The following THTPA variants were observed in gnomAD, a reference collection of about 807,000 sequenced individuals.
THTPA encodes thiamine triphosphatase, also known as thiamine-triphosphatase.
A neutral mutation model predicts 16.5 loss-of-function variants in THTPA; 16 were observed. The ratio of observed to expected loss-of-function variants is 0.97; its 90% confidence interval spans 0.66 to 1.47. THTPA has a LOEUF of 1.47. THTPA is among the 40% of genes most tolerant of loss of function. The probability of loss-of-function intolerance (pLI) is 0.00; values close to 1 mark genes in which losing one functional copy is unlikely to be tolerated. For missense variants in THTPA, 281 were observed against 280.9 expected (o/e 1.00, Z 0.00); for synonymous variants, 110 against 115.5 (o/e 0.95, Z 0.30).
At position 23,557,270 on chromosome 14, in the gene THTPA, C is replaced by G; in HGVS notation, c.513C>G (p.Ala171=). ...ATGAGGAGGCTGAAGTACCAACTGC[C>G]CTAGAGAAGATCCACAGGCTCAGCA... ...LVHEEAEVPT[A]LEKIHRLSSM... Residue 171 remains alanine, a synonymous_variant, in exon 1 of 2, where the codon GCC becomes GCG. Transcript: ENST00000288014. 6.2e-7 allele frequency: 1 copy of G among 1,608,250 alleles called. No individual in the cohort carries two copies.
chr14:23,557,405 A>AT (rs926112525), intron 1 of THTPA, 101 bp downstream of exon 1: 1,770 of 1,204,464 alleles, frequency 1.5e-3, no homozygotes, highest in Non-Finnish European at 1.6e-3. Context: ...CGGATTAAAA[A>AT]TTTTTTTTTT....
the THTPA span, among the ~76,000 whole-genome samples, chr14:23,547,102 G>A: frequency 1.3e-5 from 2 of 152,210 alleles, no homozygotes; most frequent in African/African-American, 4.8e-5. Context: ...GAGTTGTGGT[G>A]AGTTTTACAT....
At position 23,560,084 on chromosome 14, in the gene THTPA, C is replaced by G; in HGVS notation, c.*1244C>G. On this transcript the variant is annotated 3_prime_UTR_variant, in exon 2 of 2. Transcript: ENST00000288014. Reference sequence around the variant, plus strand: ...GCACAGTATGGCAGTAGGTAGGGCTCAGGCAGCCCCTCTATACTCAGTGGC... The same window carrying G: ...GCACAGTATGGCAGTAGGTAGGGCTGAGGCAGCCCCTCTATACTCAGTGGC... 2.1e-6 allele frequency: 3 copies of G among 1,441,582 alleles called. No individual in the cohort carries two copies. The highest frequency in any genetic ancestry group is 2.9e-6 in the Non-Finnish European group (3 of 1,037,874). 89.3% of individuals were successfully genotyped at this position (1,441,582 alleles called of 1,614,324 possible). A position where few individuals can be genotyped will look rare whatever the true frequency, so the allele number is the denominator to read the frequency against.
the THTPA span, among the ~76,000 whole-genome samples, chr14:23,545,483 C>A: frequency 6.6e-6 from 1 of 152,200 alleles, no homozygotes; most frequent in Non-Finnish European, 1.5e-5. Context: ...CTCCCATCTC[C>A]AAGTCATGGG....
the THTPA span, among the ~76,000 whole-genome samples, chr14:23,516,721 A>G: frequency 1.3e-5 from 2 of 152,248 alleles, no homozygotes; most frequent in African/African-American, 4.8e-5. Flanking sequence ...AGGGGTCCAC[A>G]GAGTACAACT....
the THTPA span, chr14:23,534,039 A>G: frequency 6.5e-7 from 1 of 1,533,178 alleles, no homozygotes; most frequent in Non-Finnish European, 8.7e-7. This position sits in a 1 kb window ranked among gnomAD's most constrained non-coding sequence, Gnocchi z 4.5. Context: ...GGAAGGCTGC[A>G]GGGGCTGGGG....
the THTPA span, among the ~76,000 whole-genome samples, chr14:23,539,360 A>G: frequency 6.6e-6 from 1 of 152,182 alleles, no homozygotes; most frequent in Non-Finnish European, 1.5e-5. Flanking sequence ...GTAATTACTG[A>G]GCTGCAAATG....
At chr14:23,515,650 TAGA>T in the THTPA span, among the ~76,000 whole-genome samples, 1 of 152,144 alleles carries the variant, frequency 6.6e-6, no homozygotes, top group Admixed American at 6.5e-5. Flanking sequence ...GGCAGATCTT[TAGA>T]AGATCTGGAA....
chr14:23,524,809 C>T, the THTPA span: 7 of 1,536,932 alleles, frequency 4.6e-6, no homozygotes, highest in East Asian at 1.7e-4. This position sits in a 1 kb window ranked among gnomAD's most constrained non-coding sequence, Gnocchi z 5.6. Context: ...CCACCTCTTC[C>T]TCCTCTTCCC....
chr14:23,530,808 G>A, the THTPA span: 287 of 247,156 alleles, frequency 1.2e-3, 3 homozygotes, highest in African/African-American at 6.2e-3. Context: ...TCAATGCTGC[G>A]TGTTCCTGGC....
the THTPA span, among the ~76,000 whole-genome samples, chr14:23,536,471 C>T: frequency 6.6e-6 from 1 of 152,332 alleles, no homozygotes; most frequent in Admixed American, 6.5e-5. Context: ...ATGGGAGCTT[C>T]TCTGGTCAGT....
At chr14:23,532,449 C>G in the THTPA span, 1 of 1,269,280 alleles carries the variant, frequency 7.9e-7, no homozygotes, top group South Asian at 1.9e-5. Flanking sequence ...CTGGTGCATA[C>G]TTTCCTTTTT....
At chr14:23,520,302 G>A in the THTPA span, among the ~76,000 whole-genome samples, 2 of 151,994 alleles carry the variant, frequency 1.3e-5, no homozygotes, top group East Asian at 1.9e-4. This position sits in a 1 kb window ranked among gnomAD's most constrained non-coding sequence, Gnocchi z 8.7. Flanking sequence ...GGCTGGGCTG[G>A]ACTGGAGGGA....
intron 1 of THTPA, among the ~76,000 whole-genome samples, chr14:23,558,094 G>A (rs1882710179): frequency 6.6e-6 from 1 of 152,236 alleles, no homozygotes; most frequent in Non-Finnish European, 1.5e-5. Flanking sequence ...CAGCCCTGCA[G>A]TGCTGTTTGA....
chr14:23,533,598 G>A, the THTPA span: 14 of 1,536,622 alleles, frequency 9.1e-6, no homozygotes, highest in Middle Eastern at 1.7e-4. This position sits in a 1 kb window ranked among gnomAD's most constrained non-coding sequence, Gnocchi z 4.8. Flanking sequence ...TGTTTGTCTC[G>A]TAGCTGCACA....
At chr14:23,534,350 G>A in the THTPA span, 1 of 1,536,706 alleles carries the variant, frequency 6.5e-7, no homozygotes, top group Non-Finnish European at 8.7e-7. This position sits in a 1 kb window ranked among gnomAD's most constrained non-coding sequence, Gnocchi z 4.5. Flanking sequence ...TCTGCCTCAG[G>A]GGGGCCATCC....
At position 23,560,137 on chromosome 14, in the gene THTPA, A is replaced by G; in HGVS notation, c.*1297A>G. 1 of 1,449,794 alleles carries G rather than the reference A, an allele frequency of 6.9e-7. No individual in the cohort carries two copies. The highest frequency in any genetic ancestry group is 9.5e-7 in the Non-Finnish European group (1 of 1,052,544). The allele number at this position is 1,449,794 out of a possible 1,614,324, so 89.8% of individuals were successfully genotyped here. A position where few individuals can be genotyped will look rare whatever the true frequency, so the allele number is the denominator to read the frequency against. ...CACACCCTTTTCCTGTAACTCCCCAAGTGCTGATCTCCAGATGACTCAATC... is the reference window on the plus strand; with the variant it reads ...CACACCCTTTTCCTGTAACTCCCCAGGTGCTGATCTCCAGATGACTCAATC... On this transcript the variant is annotated 3_prime_UTR_variant, in exon 2 of 2. Transcript: ENST00000288014.
In THTPA at chr14:23,557,066, T is replaced by C; in HGVS notation, c.309T>C (p.Ala103=). The C allele has an allele frequency of 2.5e-6, 4 of 1,614,174 alleles. No homozygotes were observed. Among genetic ancestry groups the C allele is most frequent in the Non-Finnish European group, 3.4e-6 (4 of 1,180,030 alleles). ...TGCTGCGGGCTGACGGCCTGGGGGC[T>C]GGAGATGTGGCTGCTGTGCTGGGCC... The part of the protein sequence containing the change: ...CKVLRADGLG[A]GDVAAVLGPL... The change falls in exon 1 of 2, where the codon GCT becomes GCC. Residue 103 remains alanine (A), a synonymous_variant. Transcript: ENST00000288014.
At chr14:23,534,480 A>G in the THTPA span, 4 of 1,536,214 alleles carry the variant, frequency 2.6e-6, no homozygotes, top group South Asian at 4.8e-5. The surrounding 1 kb of genome is among the most constrained non-coding windows in gnomAD (Gnocchi z 4.5). Context: ...TGCAGCCTTC[A>G]TCTCCCTCCT....
Sources: gnomAD v4.1 joint callset for allele counts (sites outside exome capture counted in the v4.1 genomes callset) on GRCh38, gnomAD v4.1.1 for gene constraint, Gnocchi (gnomAD v3.1) non-coding constraint, MANE v1.5 for transcripts, NCBI Gene and HGNC (gene_info 2026-07-23, HGNC 2026-07-21) for gene names.